Variants in AAMDC observed in about 807,000 individuals in gnomAD.
AAMDC encodes mth938 domain-containing protein.
Under a neutral mutation model 15.5 loss-of-function variants are expected in AAMDC, and 16 were observed. That is an observed-to-expected ratio of 1.03 (90% confidence interval 0.70 to 1.57). The LOEUF (loss-of-function observed/expected upper bound fraction) is 1.57. AAMDC is among the 40% of genes most tolerant of loss of function. The probability of loss-of-function intolerance (pLI) is 0.00; values close to 1 mark genes in which losing one functional copy is unlikely to be tolerated. For synonymous variants in AAMDC, 51 were observed against 51.6 expected (o/e 0.99, Z 0.05); for missense variants, 141 against 144.9 (o/e 0.97, Z 0.14).
intron 2 of AAMDC, among the ~76,000 whole-genome samples, chr11:77,857,488 C>G (rs1192334826): frequency 6.6e-6 from 1 of 152,118 alleles, no homozygotes; most frequent in East Asian, 1.9e-4. Context: ...TTGTAGGAAG[C>G]TCTAAAGTCA....
At chr11:77,878,746 A>C in intron 5 of AAMDC, 1 of 695,792 alleles carries the variant, frequency 1.4e-6, no homozygotes, top group Non-Finnish European at 2.6e-6. Context: ...TTTATTGTGG[A>C]CAGGAGAAGG....
At chr11:77,892,919 A>G (rs1295291590) in intron 5 of AAMDC, among the ~76,000 whole-genome samples, 2 of 152,170 alleles carry the variant, frequency 1.3e-5, no homozygotes, top group Non-Finnish European at 2.9e-5. Flanking sequence ...GCTAGATGGT[A>G]AGTTTGCTAG....
At chr11:77,900,180 ACCT>A (rs912783383) in intron 5 of AAMDC, among the ~76,000 whole-genome samples, 28 of 151,712 alleles carry the variant, frequency 1.8e-4, no homozygotes, top group African/African-American at 6.3e-4. Flanking sequence ...GCCCACTGCA[ACCT>A]CCACCTCCCA....
At chr11:77,884,089 G>T in intron 5 of AAMDC, 2 of 777,424 alleles carry the variant, frequency 2.6e-6, no homozygotes, top group Non-Finnish European at 4.1e-6. Context: ...CTTGGGGGTA[G>T]GTCAACACTG....
chr11:77,841,033 A>T, intron 1 of AAMDC: 1 of 568,148 alleles, frequency 1.8e-6, no homozygotes. Flanking sequence ...GGAGGCTGGG[A>T]AGTCCAAGAC....
intron 5 of AAMDC, chr11:77,883,722 A>G: frequency 1.7e-6 from 2 of 1,159,242 alleles, no homozygotes; most frequent in African/African-American, 1.5e-5. Flanking sequence ...AATTCTTACA[A>G]GGCCTGATTC....
At chr11:77,839,804 C>T (rs1949848545) in intron 1 of AAMDC, among the ~76,000 whole-genome samples, 2 of 152,014 alleles carry the variant, frequency 1.3e-5, no homozygotes, top group African/African-American at 4.8e-5. Context: ...GAACAACACA[C>T]ACTGGGGCTT....
intron 2 of AAMDC, among the ~76,000 whole-genome samples, chr11:77,863,375 C>G (rs1950967572): frequency 6.6e-6 from 1 of 152,134 alleles, no homozygotes; most frequent in Non-Finnish European, 1.5e-5. Flanking sequence ...TGAGCGAAAA[C>G]TCAGCTCGAG....
chr11:77,835,004 T>A (rs560517080), intron 1 of AAMDC, among the ~76,000 whole-genome samples: 1 of 152,310 alleles, frequency 6.6e-6, no homozygotes, highest in South Asian at 2.1e-4. Context: ...ACAACAAAAA[T>A]CTGATTTATA....
At chr11:77,831,379 A>G (rs889976211) in intron 1 of AAMDC, among the ~76,000 whole-genome samples, 14 of 152,178 alleles carry the variant, frequency 9.2e-5, no homozygotes, top group African/African-American at 3.4e-4. Flanking sequence ...GTCCATGAAA[A>G]AATTTTTACA....
intron 1 of AAMDC, chr11:77,840,994 A>G (rs1417435818): frequency 1.9e-6 from 1 of 515,602 alleles, no homozygotes. Flanking sequence ...AAAATTTATA[A>G]TGAAAATAAT....
intron 5 of AAMDC, among the ~76,000 whole-genome samples, chr11:77,897,113 T>G (rs989966602): frequency 6.6e-6 from 1 of 151,670 alleles, no homozygotes; most frequent in African/African-American, 2.4e-5. Flanking sequence ...CATAGCAATA[T>G]GGAAATAATT....
intron 5 of AAMDC, chr11:77,878,732 C>T (rs1266278569): frequency 1.4e-6 from 1 of 695,312 alleles, no homozygotes; most frequent in East Asian, 2.7e-5. Flanking sequence ...GGTGTTTTCT[C>T]AACTTTATTG....
At chr11:77,825,555 A>C (rs1401319865) in intron 1 of AAMDC, among the ~76,000 whole-genome samples, 2 of 152,196 alleles carry the variant, frequency 1.3e-5, no homozygotes, top group South Asian at 4.1e-4. Context: ...AGATGTATGA[A>C]AATAAAAGGA....
chr11:77,901,247 T>C, downstream of AAMDC: 1 of 742,466 alleles, frequency 1.3e-6, no homozygotes, highest in South Asian at 1.6e-5. Context: ...GGGTCTAATC[T>C]GATCCAACAA....
downstream of AAMDC, among the ~76,000 whole-genome samples, chr11:77,875,833 T>G (rs1459451256): frequency 6.6e-6 from 1 of 152,090 alleles, no homozygotes; most frequent in Non-Finnish European, 1.5e-5. Context: ...ATTCCCAGGC[T>G]CAGCAGGTCC....
At chr11:77,824,413 A>G (rs1042207109) in intron 1 of AAMDC, among the ~76,000 whole-genome samples, 1 of 152,216 alleles carries the variant, frequency 6.6e-6, no homozygotes, top group African/African-American at 2.4e-5. Context: ...GATATTTCAA[A>G]TTTCATGTCC....
At chr11:77,879,094 G>A (rs948926154) in intron 5 of AAMDC, 1 of 1,614,146 alleles carries the variant, frequency 6.2e-7, no homozygotes, top group Non-Finnish European at 8.5e-7. Context: ...GGAGTTGTAG[G>A]CCAGCAGCAG....
intron 1 of AAMDC, among the ~76,000 whole-genome samples, chr11:77,835,923 A>G (rs1250681198): frequency 6.6e-6 from 1 of 152,086 alleles, no homozygotes; most frequent in Non-Finnish European, 1.5e-5. Flanking sequence ...AGAAAAAAAA[A>G]ATAATAATAA....
Sources: gnomAD v4.1 joint callset for allele counts (sites outside exome capture counted in the v4.1 genomes callset) on GRCh38, gnomAD v4.1.1 for gene constraint, MANE v1.5 for transcripts, NCBI Gene and HGNC (gene_info 2026-07-23, HGNC 2026-07-21) for gene names.